The following ZNF490 variants were observed in gnomAD, a reference collection of about 807,000 sequenced individuals.
ZNF490 encodes the protein zinc finger protein 490.
In ZNF490, 11 loss-of-function variants were observed where a neutral mutation model predicts 17.7. The ratio of observed to expected loss-of-function variants is 0.62; its 90% CI spans 0.39 to 1.03. The LOEUF is 1.03. ZNF490 is among the 50% of genes least tolerant of loss of function. ZNF490 has a pLI of 0.00. For synonymous variants in ZNF490, 222 were observed against 216.1 expected (o/e 1.03, Z -0.24); for missense variants, 542 against 643.4 (o/e 0.84, Z 1.71).
chr19:12,608,823 T>C (rs186024592), intron 2 of ZNF490, among the ~76,000 whole-genome samples: 5 of 152,160 alleles, frequency 3.3e-5, no homozygotes, highest in South Asian at 2.1e-4. Flanking sequence ...TTGCCCACAC[T>C]GGTCTCAAAC....
intron 2 of ZNF490, chr19:12,597,193 C>T: frequency 4.4e-6 from 2 of 458,314 alleles, no homozygotes; most frequent in Non-Finnish European, 8.8e-6. Flanking sequence ...CCTACGGATC[C>T]CTCACTACCT....
chr19:12,610,725 C>A lies in ZNF490; in HGVS notation c.-45G>T. 6.4e-7 allele frequency: 1 copy of A among 1,569,566 alleles called. No individual in the cohort carries two copies. Among genetic ancestry groups the A allele is most frequent in the Admixed American group, 1.7e-5 (1 of 59,942 alleles). On this transcript the variant is annotated 5_prime_UTR_variant, in exon 1 of 5. Transcript: ENST00000311437. ...AACACTGCAGGAAGACTTCCGTGTC[C>A]GACCCGAGATCCGGAACAATTTCTG...
intron 1 of ZNF490, 71 bp downstream of exon 1, chr19:12,610,493 A>C: frequency 8.3e-7 from 1 of 1,205,920 alleles, no homozygotes; most frequent in South Asian, 1.2e-5. Context: ...ATGATGGGGT[A>C]ACCGTCTGTT....
At chr19:12,594,393 G>T (rs2022908298) in intron 2 of ZNF490, among the ~76,000 whole-genome samples, 1 of 151,754 alleles carries the variant, frequency 6.6e-6, no homozygotes, top group African/African-American at 2.4e-5. Flanking sequence ...TTGAACCAGG[G>T]AGGCAGAGGT....
At chr19:12,597,702 T>A (rs899941901) in intron 2 of ZNF490, among the ~76,000 whole-genome samples, 1 of 152,202 alleles carries the variant, frequency 6.6e-6, no homozygotes, top group African/African-American at 2.4e-5. Flanking sequence ...TATTCTGTAT[T>A]TGTCCTTTTC....
intron 2 of ZNF490, among the ~76,000 whole-genome samples, chr19:12,602,315 G>C (rs1568282640): frequency 6.6e-6 from 1 of 152,166 alleles, no homozygotes; most frequent in Non-Finnish European, 1.5e-5. Flanking sequence ...GGGAGGCCGA[G>C]GCAGGAGGAT....
At chr19:12,604,875 T>C (rs890399136) in intron 2 of ZNF490, among the ~76,000 whole-genome samples, 1 of 151,382 alleles carries the variant, frequency 6.6e-6, no homozygotes, top group African/African-American at 2.4e-5. Context: ...CTTTGTAGGC[T>C]GGGTGCAGTG....
chr19:12,580,368 G>A lies in ZNF490; in HGVS notation c.*117C>T, dbSNP rs2145137935. Reference sequence around the variant, plus strand: ...TGAGTCACGTCTTCAAAGGGAATTAGGACAACTGAAGGCTTAATCACACCG... The same window carrying A: ...TGAGTCACGTCTTCAAAGGGAATTAAGACAACTGAAGGCTTAATCACACCG... On this transcript the variant is annotated 3_prime_UTR_variant, in exon 5 of 5. Coordinates refer to ENST00000311437, the MANE Select transcript of ZNF490 (RefSeq NM_020714.3). The A allele has an allele frequency of 2.0e-6, 3 of 1,481,580 alleles. No individual in the cohort carries two copies. In the East Asian group the frequency reaches 6.8e-5, roughly 34 times the overall value. 91.8% of individuals were successfully genotyped at this position (1,481,580 alleles called of 1,614,324 possible).
rs1203363368 is a variant in ZNF490 at position 12,578,308 on chromosome 19, G to A, written c.*2177C>T. The A allele has an allele frequency of 1.0e-6, 1 of 985,546 alleles. No individual in the cohort carries two copies. The highest frequency in any genetic ancestry group is 1.2e-6 in the Non-Finnish European group (1 of 830,088). The allele number at this position is 985,546 out of a possible 1,614,324, so 61.1% of individuals were successfully genotyped here. The stretch of plus-strand genomic sequence containing the variant: ...CTACAGCTAAGACATGGCAGAGTGT[G>A]TCTGTGACTCCACTAGCAGTTTTGA... On this transcript the variant is annotated 3_prime_UTR_variant, in exon 5 of 5. Transcript: ENST00000311437.
intron 2 of ZNF490, among the ~76,000 whole-genome samples, chr19:12,591,386 C>T (rs369562044): frequency 6.7e-6 from 1 of 150,044 alleles, no homozygotes; most frequent in Middle Eastern, 3.6e-3. Context: ...ACTCCATCCC[C>T]GCCGCCCCCC....
At chr19:12,601,184 C>T (rs561874423) in intron 2 of ZNF490, among the ~76,000 whole-genome samples, 1 of 151,372 alleles carries the variant, frequency 6.6e-6, no homozygotes, top group Non-Finnish European at 1.5e-5. Context: ...GTCAGGAGAT[C>T]GAGACCATCC....
intron 2 of ZNF490, among the ~76,000 whole-genome samples, chr19:12,607,586 C>T (rs2023084268): frequency 6.6e-6 from 1 of 151,928 alleles, no homozygotes; most frequent in South Asian, 2.1e-4. Context: ...TGTGCCACCA[C>T]ATATACTGAG....
chr19:12,605,019 G>A (rs1219692117), intron 2 of ZNF490, among the ~76,000 whole-genome samples: 1 of 151,858 alleles, frequency 6.6e-6, no homozygotes, highest in Non-Finnish European at 1.5e-5. Context: ...TGGGCGTGGT[G>A]GAGGATGCCT....
chr19:12,582,257 CT>C (rs5827155), intron 4 of ZNF490, among the ~76,000 whole-genome samples: 85,181 of 147,962 alleles, frequency 0.58, 25,605 homozygotes, highest in Non-Finnish European at 0.69. Context: ...ACATCTATTG[CT>C]TTTTTTTTTT....
chr19:12,601,160 G>A (rs375565644), intron 2 of ZNF490, among the ~76,000 whole-genome samples: 12 of 151,932 alleles, frequency 7.9e-5, no homozygotes, highest in East Asian at 7.8e-4. Context: ...AGGCCAAGGC[G>A]GGTAGATCAC....
chr19:12,596,019 C>T (rs2145155508), intron 2 of ZNF490, among the ~76,000 whole-genome samples: 1 of 152,116 alleles, frequency 6.6e-6, no homozygotes, highest in East Asian at 1.9e-4. Context: ...AATCCCAGCA[C>T]TTCAGAAGGC....
In ZNF490 at chr19:12,580,756, T is replaced by TG; in HGVS notation, c.1318dup (p.His440ProfsTer3). ...GCATTCATAGGGTTTCTCTCTAGTA[T>TG]GGGTTCTTTCATGGATTCGAAAGTG... On this transcript the variant is annotated frameshift_variant, in exon 5 of 5. Coordinates refer to ENST00000311437, the MANE Select transcript of ZNF490 (RefSeq NM_020714.3). LOFTEE classifies it low-confidence loss of function (END_TRUNC). The TG allele has an allele frequency of 6.2e-7, 1 of 1,614,228 alleles. No individual in the cohort carries two copies. Among genetic ancestry groups the TG allele is most frequent in the Non-Finnish European group, 8.5e-7 (1 of 1,180,038 alleles).
chr19:12,610,515 G>C, intron 1 of ZNF490, 49 bp downstream of exon 1: 2 of 1,401,406 alleles, frequency 1.4e-6, no homozygotes, highest in Non-Finnish European at 2.0e-6. Context: ...ATAAACAAGG[G>C]TCACTATTCC....
At chr19:12,595,349 C>A (rs190222814) in intron 2 of ZNF490, among the ~76,000 whole-genome samples, 68 of 152,000 alleles carry the variant, frequency 4.5e-4, no homozygotes, top group Non-Finnish European at 8.8e-4. Flanking sequence ...TGGTCAGCTC[C>A]CGACCCGCCT....
Sources: allele counts gnomAD v4.1 joint callset (sites outside exome capture counted in the v4.1 genomes callset), GRCh38; gene constraint gnomAD v4.1.1; transcripts MANE v1.5; gene names NCBI Gene and HGNC (gene_info 2026-07-23, HGNC 2026-07-21).